The following CLCN5 variants were observed in gnomAD, a reference collection of about 807,000 sequenced individuals.
CLCN5 encodes Cl-/H+ antiporter 5.
In CLCN5, 17 loss-of-function variants were observed where a neutral mutation model predicts 54.0. The ratio of observed to expected loss-of-function variants is 0.31; its 90% confidence interval spans 0.22 to 0.47. The LOEUF is 0.47. Among genes scored for constraint, CLCN5 ranks in the 20% least tolerant of loss-of-function variants. The probability of loss-of-function intolerance (pLI) is 1.00; values close to 1 mark genes in which losing one functional copy is unlikely to be tolerated. For synonymous variants in CLCN5, 222 were observed against 233.0 expected, an observed-to-expected ratio of 0.95 and a Z score of 0.43; for missense variants, 448 against 646.7, an observed-to-expected ratio of 0.69 and a Z score of 3.33.
At position 50,066,754 on chromosome X, in the gene CLCN5, G is replaced by C. The variant is rs1221491624; in HGVS notation, c.164-3125G>C. On this transcript the variant is annotated intron_variant, in intron 4 of 14. Coordinates refer to ENST00000376091, the MANE Select transcript of CLCN5 (RefSeq NM_001127898.4). ...ATCCAGGTTGGATTAATGAGTACCA[G>C]AGTTGTTGTTGCTTTCTGCGTAGAG... is the stretch of plus-strand genomic sequence containing the variant. 8.0e-5 allele frequency among the ~76,000 whole-genome samples: 9 copies of C among 112,223 alleles called. No homozygotes were observed. The East Asian group carries it at 1.1e-3, about 14-fold the overall frequency.
intron 4 of CLCN5, among the ~76,000 whole-genome samples, chrX:50,064,627 C>G (rs1257415108): frequency 5.0e-5 from 5 of 100,143 alleles, no homozygotes; most frequent in Non-Finnish European, 1.0e-4. Flanking sequence ...ATCAAGCTAC[C>G]AATGACTTTC....
chrX:49,956,524 A>G (rs782207410), intron 3 of CLCN5, among the ~76,000 whole-genome samples: 1 of 111,881 alleles, frequency 8.9e-6, no homozygotes, highest in Admixed American at 9.5e-5. Flanking sequence ...GGAGATTGAA[A>G]TGCTTGAAAA....
rs781982993 is a variant in CLCN5 at position 49,977,559 on chromosome X, A to G, written c.16+52245A>G. 2.7e-5 allele frequency among the ~76,000 whole-genome samples: 3 copies of G among 111,633 alleles called. No individual in the cohort carries two copies. In the East Asian group the frequency reaches 8.5e-4, roughly 32 times the overall value. On this transcript the variant is annotated intron_variant, in intron 3 of 14. Coordinates refer to ENST00000376091, the MANE Select transcript of CLCN5 (RefSeq NM_001127898.4). ...ATTTCCACAGTGACACAGTTGCCAT[A>G]TGTTGTCACATTCTTAGAGGTATCT... is the stretch of plus-strand genomic sequence containing the variant.
intron 4 of CLCN5, among the ~76,000 whole-genome samples, chrX:50,047,398 A>G (rs1301473243): frequency 9.0e-6 from 1 of 111,658 alleles, no homozygotes; most frequent in Non-Finnish European, 1.9e-5. Flanking sequence ...AGTGGCCCAT[A>G]TGGAAAGCTC....
intron 3 of CLCN5, among the ~76,000 whole-genome samples, chrX:49,983,833 C>T (rs1445641709): frequency 4.6e-5 from 5 of 109,387 alleles, no homozygotes; most frequent in African/African-American, 1.7e-4. Flanking sequence ...TTATAATTTG[C>T]GCCTTTGTTG....
At chrX:50,046,067 T>C (rs145610316) in intron 4 of CLCN5, among the ~76,000 whole-genome samples, 85 of 112,575 alleles carry the variant, frequency 7.6e-4, no homozygotes, top group Non-Finnish European at 1.4e-3. Flanking sequence ...AAATTATGCA[T>C]GGCATGGTTA....
chrX:50,008,045 C>T (rs1930291806), intron 3 of CLCN5, among the ~76,000 whole-genome samples: 1 of 112,035 alleles, frequency 8.9e-6, no homozygotes, highest in South Asian at 3.7e-4. Context: ...GGGTCTCACC[C>T]CAGACTCACC....
intron 3 of CLCN5, among the ~76,000 whole-genome samples, chrX:49,945,604 G>GT (rs1162822439): frequency 0.027 from 1,916 of 71,015 alleles, 39 homozygotes; most frequent in Admixed American, 0.04. Flanking sequence ...CGCCCAGCTA[G>GT]TTTTTTTTTT....
chrX:50,053,592 A>G (rs1932658455), intron 4 of CLCN5, among the ~76,000 whole-genome samples: 1 of 110,936 alleles, frequency 9.0e-6, no homozygotes, highest in African/African-American at 3.3e-5. Context: ...GTTCCCTAAG[A>G]TGGAAGCTTA....
rs151340621 is a variant in CLCN5 at position 50,090,678 on chromosome X, C to T, written c.2152C>T (p.Arg718Ter). The T allele has an allele frequency of 8.3e-7, 1 of 1,206,717 alleles. No homozygotes were observed. The highest frequency in any genetic ancestry group is 1.1e-6 in the Non-Finnish European group (1 of 892,560). ...RDLIISIENA[R>*]KKQDGVVSTS... The stretch of plus-strand genomic sequence containing the variant: ...TCCTTCTGTTTGAATAGAAAATGCT[C>T]GAAAGAAACAGGATGGGGTTGTTAG... Residue 718 changes from arginine (R) to a stop codon, truncating the protein, a stop_gained, in exon 14 of 15, where the codon CGA (arginine) becomes TGA (stop). Coordinates refer to ENST00000376091, the MANE Select transcript of CLCN5 (RefSeq NM_001127898.4). LOFTEE classifies it high-confidence loss of function.
intron 8 of CLCN5, 53 bp from the exon 9 acceptor site, chrX:50,081,588 A>G (rs1933703304): frequency 2.9e-6 from 3 of 1,028,673 alleles, no homozygotes; most frequent in African/African-American, 1.9e-5. Flanking sequence ...TTTGCTTCTT[A>G]GCCTTGTTGA....
intron 3 of CLCN5, among the ~76,000 whole-genome samples, chrX:49,935,478 C>T (rs968144049): frequency 8.9e-6 from 1 of 112,028 alleles, no homozygotes; most frequent in Non-Finnish European, 1.9e-5. Flanking sequence ...TGATCCCTGC[C>T]CTCTTAAGCC....
chrX:49,938,678 A>G (rs1257207162), intron 3 of CLCN5, among the ~76,000 whole-genome samples: 3 of 112,288 alleles, frequency 2.7e-5, no homozygotes, highest in Middle Eastern at 4.6e-3. Context: ...CCTAAAAACC[A>G]TAAAAACCCT....
At chrX:50,032,964 T>G (rs1931790485) in intron 3 of CLCN5, among the ~76,000 whole-genome samples, 1 of 111,554 alleles carries the variant, frequency 9.0e-6, no homozygotes, top group Non-Finnish European at 1.9e-5. Context: ...CCAGCACCAT[T>G]TATTAACTAG....
At chrX:49,958,887 C>T (rs886996780) in intron 3 of CLCN5, among the ~76,000 whole-genome samples, 8 of 111,895 alleles carry the variant, frequency 7.1e-5, no homozygotes, top group African/African-American at 2.3e-4. Context: ...CTTGCTCGCT[C>T]GCTCTGTCTC....
chrX:50,054,631 C>T (rs369793000), intron 4 of CLCN5: 10 of 111,848 alleles, frequency 8.9e-5, no homozygotes, highest in African/African-American at 2.9e-4. Context: ...ATTTCTACTC[C>T]AGGTAAGCAG....
intron 3 of CLCN5, among the ~76,000 whole-genome samples, chrX:49,983,693 CATAAT>C (rs1428324917): frequency 3.7e-5 from 4 of 107,385 alleles, no homozygotes; most frequent in East Asian, 2.8e-4. Context: ...TATTAATATA[CATAAT>C]ATAATATATA....
intron 3 of CLCN5, among the ~76,000 whole-genome samples, chrX:49,941,715 C>T (rs1926341633): frequency 9.0e-6 from 1 of 110,551 alleles, no homozygotes; most frequent in Admixed American, 9.7e-5. Context: ...TTCCCACAAC[C>T]AGAAAAAATA....
intron 3 of CLCN5, among the ~76,000 whole-genome samples, chrX:49,984,659 G>C (rs1928908602): frequency 9.2e-6 from 1 of 109,141 alleles, no homozygotes; most frequent in Admixed American, 9.9e-5. Flanking sequence ...CCAGAGTGGA[G>C]TGTGGTGGGC....
Sources: allele counts gnomAD v4.1 joint callset (sites outside exome capture counted in the v4.1 genomes callset), GRCh38; gene constraint gnomAD v4.1.1; transcripts MANE v1.5; gene names NCBI Gene and HGNC (gene_info 2026-07-23, HGNC 2026-07-21).